The following LHFPL3 variants were observed in gnomAD, a reference collection of about 807,000 sequenced individuals.
The protein encoded by LHFPL3 is LHFPL tetraspan subfamily member 3, also known as LHFPL tetraspan subfamily member 3 protein.
A neutral mutation model predicts 19.3 loss-of-function variants in LHFPL3; 5 were observed. That is an observed-to-expected ratio of 0.26 (90% CI 0.14 to 0.54). LHFPL3 has a LOEUF of 0.54. Among genes scored for constraint, LHFPL3 ranks in the 20% least tolerant of loss-of-function variants. The pLI is 0.94. For synonymous variants in LHFPL3, 133 were observed against 126.2 expected (o/e 1.05, Z -0.36); for missense variants, 249 against 307.4 (o/e 0.81, Z 1.42).
chr7:104,546,184 T>C (rs1316663334), intron 1 of LHFPL3, among the ~76,000 whole-genome samples: 3 of 152,330 alleles, frequency 2.0e-5, no homozygotes, highest in East Asian at 3.9e-4. Context: ...AGAGGATCTT[T>C]AATAGATGTA....
chr7:104,839,392 CGTG>C (rs1791153887), intron 2 of LHFPL3, among the ~76,000 whole-genome samples: 1 of 152,114 alleles, frequency 6.6e-6, no homozygotes, highest in Non-Finnish European at 1.5e-5. Flanking sequence ...GGGGGCCAAG[CGTG>C]GTGGCTCATG....
chr7:104,889,138 T>C (rs1792201048), intron 2 of LHFPL3, among the ~76,000 whole-genome samples: 1 of 152,208 alleles, frequency 6.6e-6, no homozygotes, highest in Non-Finnish European at 1.5e-5. Context: ...TAGAGAAGAC[T>C]CAACATATAG....
intron 1 of LHFPL3, among the ~76,000 whole-genome samples, chr7:104,353,685 G>A (rs1228873011): frequency 6.6e-6 from 1 of 152,170 alleles, no homozygotes; most frequent in African/African-American, 2.4e-5. Context: ...GCTTCAAACT[G>A]GTGAGCAGAA....
intron 2 of LHFPL3, among the ~76,000 whole-genome samples, chr7:104,842,029 CCT>C (rs1791220567): frequency 6.6e-6 from 1 of 151,876 alleles, no homozygotes; most frequent in African/African-American, 2.4e-5. Flanking sequence ...CTCCTCTCCT[CCT>C]CTCTCTCTAT....
intron 1 of LHFPL3, among the ~76,000 whole-genome samples, chr7:104,457,908 G>C (rs1244457828): frequency 6.9e-6 from 1 of 144,834 alleles, no homozygotes; most frequent in Non-Finnish European, 1.5e-5. Flanking sequence ...CTGCATAAAT[G>C]TCTTCTTTTG....
intron 1 of LHFPL3, among the ~76,000 whole-genome samples, chr7:104,373,160 A>G (rs1790646337): frequency 6.6e-6 from 1 of 152,226 alleles, no homozygotes; most frequent in Non-Finnish European, 1.5e-5. Flanking sequence ...TTATTTGACT[A>G]TTAAGACCTT....
chr7:104,748,229 G>A (rs986468211), intron 2 of LHFPL3, among the ~76,000 whole-genome samples: 62 of 151,752 alleles, frequency 4.1e-4, no homozygotes, highest in Non-Finnish European at 1.9e-4. Flanking sequence ...AGGCCGCAGG[G>A]ACCTCTGCCT....
chr7:104,762,815 G>A lies in LHFPL3; in HGVS notation c.682+25904G>A, dbSNP rs553716536. Among the ~76,000 whole-genome samples, 111 of 152,208 alleles carry A rather than the reference G, an allele frequency of 7.3e-4. 1 individual carries two copies. In the South Asian group the frequency reaches 0.02, roughly 27 times the overall value. ...TTTCACATCTTGCATAAAGGCCCTC[G>A]CTAATAATTGGCTAAGCAAATGACT... On this transcript the variant is annotated intron_variant, in intron 2 of 2. Coordinates refer to ENST00000424859, the MANE Select transcript of LHFPL3 (RefSeq NM_199000.3).
intron 2 of LHFPL3, among the ~76,000 whole-genome samples, chr7:104,759,440 C>T (rs545737361): frequency 6.6e-6 from 1 of 152,112 alleles, no homozygotes; most frequent in Admixed American, 6.5e-5. Context: ...TTTATTTCAG[C>T]ATGTAATCAA....
chr7:104,791,818 A>C (rs1398573407), intron 2 of LHFPL3, among the ~76,000 whole-genome samples: 1 of 152,192 alleles, frequency 6.6e-6, no homozygotes, highest in East Asian at 1.9e-4. Context: ...CAAGATGACT[A>C]TGTCTTGGTT....
intron 1 of LHFPL3, among the ~76,000 whole-genome samples, chr7:104,518,713 G>A (rs1793974367): frequency 6.6e-6 from 1 of 152,110 alleles, no homozygotes; most frequent in Admixed American, 6.6e-5. Context: ...GAACATGGGA[G>A]GTGGAGGTTG....
intron 1 of LHFPL3, among the ~76,000 whole-genome samples, chr7:104,434,608 TTGAC>T (rs1456784635): frequency 1.3e-5 from 2 of 152,122 alleles, no homozygotes; most frequent in African/African-American, 2.4e-5. Context: ...TATACCTACT[TTGAC>T]TGTGATAATT....
intron 1 of LHFPL3, among the ~76,000 whole-genome samples, chr7:104,654,795 T>C (rs1792093554): frequency 6.6e-6 from 1 of 152,170 alleles, no homozygotes; most frequent in Non-Finnish European, 1.5e-5. Flanking sequence ...ATTATAATCC[T>C]ATGAACCCCA....
At position 104,836,130 on chromosome 7, in the gene LHFPL3, A is replaced by T. The variant is rs150841749; in HGVS notation, c.683-70057A>T. Among the ~76,000 whole-genome samples the T allele has an allele frequency of 3.3e-3, 508 of 152,288 alleles. 4 individuals carry two copies. Among genetic ancestry groups the T allele is most frequent in the African/African-American group, 9.2e-3 (381 of 41,554 alleles). On this transcript the variant is annotated intron_variant, in intron 2 of 2. Coordinates refer to ENST00000424859, the MANE Select transcript of LHFPL3 (RefSeq NM_199000.3). ...GAAACTGACCACAATGATAACAAAGATTTCTAGGAGAAGTGAAGAGCATAT... is the reference window on the plus strand; with the variant it reads ...GAAACTGACCACAATGATAACAAAGTTTTCTAGGAGAAGTGAAGAGCATAT...
intron 1 of LHFPL3, among the ~76,000 whole-genome samples, chr7:104,593,288 C>T (rs545875600): frequency 5.3e-5 from 8 of 152,154 alleles, no homozygotes; most frequent in Admixed American, 2.0e-4. Flanking sequence ...GCCCTCATTT[C>T]GTTTTGTACC....
At chr7:104,667,674 A>T (rs978238868) in intron 1 of LHFPL3, 1 of 1,064,930 alleles carries the variant, frequency 9.4e-7, no homozygotes, top group Non-Finnish European at 1.4e-6. Context: ...TAAAGTTAAC[A>T]TGCCATTATA....
At chr7:104,771,703 A>G (rs551277435) in intron 2 of LHFPL3, among the ~76,000 whole-genome samples, 7 of 149,134 alleles carry the variant, frequency 4.7e-5, no homozygotes, top group Non-Finnish European at 1.0e-4. Context: ...CTCCTGTGTG[A>G]TTTGTTTACT....
At chr7:104,686,194 C>A (rs1175342828) in intron 1 of LHFPL3, among the ~76,000 whole-genome samples, 1 of 152,282 alleles carries the variant, frequency 6.6e-6, no homozygotes, top group East Asian at 1.9e-4. Context: ...TATTATAAAA[C>A]CCTCAAAGTA....
chr7:104,562,033 G>C (rs1157416562), intron 1 of LHFPL3, among the ~76,000 whole-genome samples: 1 of 151,894 alleles, frequency 6.6e-6, no homozygotes, highest in Admixed American at 6.6e-5. Flanking sequence ...TGGCTTGTAG[G>C]GTTTCTGCTG....
Sources: allele counts gnomAD v4.1 joint callset (sites outside exome capture counted in the v4.1 genomes callset), GRCh38; gene constraint gnomAD v4.1.1; transcripts MANE v1.5; gene names NCBI Gene and HGNC (gene_info 2026-07-23, HGNC 2026-07-21).